Variants in RABGAP1L observed in about 807,000 individuals in gnomAD.
The protein encoded by RABGAP1L is RAB GTPase activating protein 1 like, also known as rab GTPase-activating protein 1-like.
A neutral mutation model predicts 137.7 loss-of-function variants in RABGAP1L; 63 were observed. The observed-to-expected ratio is 0.46, with a 90% CI of 0.37 to 0.56. The LOEUF is 0.56. Among genes scored for constraint, RABGAP1L ranks in the 20% least tolerant of loss-of-function variants. The pLI is 0.00. For synonymous variants in RABGAP1L, 431 were observed against 433.7 expected, an observed-to-expected ratio of 0.99 and a Z score of 0.08; for missense variants, 1,095 against 1,244.0, an observed-to-expected ratio of 0.88 and a Z score of 1.80.
chr1:174,919,295 G>A (rs1186922601), intron 19 of RABGAP1L, among the ~76,000 whole-genome samples: 2 of 152,152 alleles, frequency 1.3e-5, no homozygotes, highest in Non-Finnish European at 2.9e-5. Context: ...TGGGATTACA[G>A]GCGTGAGCCA....
At chr1:174,432,826 G>A (rs1203919706) in intron 13 of RABGAP1L, among the ~76,000 whole-genome samples, 1 of 152,162 alleles carries the variant, frequency 6.6e-6, no homozygotes, top group African/African-American at 2.4e-5. Context: ...GTGAGCCACT[G>A]TGCCTGGCTG....
At chr1:174,296,751 T>G (rs1677164388) in intron 10 of RABGAP1L, among the ~76,000 whole-genome samples, 1 of 152,202 alleles carries the variant, frequency 6.6e-6, no homozygotes, top group Non-Finnish European at 1.5e-5. Context: ...ATATTGGAAA[T>G]ACTCATAACT....
chr1:174,534,246 A>G (rs982967962), intron 13 of RABGAP1L, among the ~76,000 whole-genome samples: 8 of 151,756 alleles, frequency 5.3e-5, no homozygotes, highest in Non-Finnish European at 1.2e-4. Context: ...TATATTAAAT[A>G]TGATCGTCTA....
intron 13 of RABGAP1L, chr1:174,547,818 T>C (rs1666140932): frequency 2.0e-6 from 3 of 1,489,880 alleles, no homozygotes; most frequent in Non-Finnish European, 2.7e-6. Context: ...AAAATAATCA[T>C]ATTTATTTTG....
At chr1:174,439,999 A>T (rs1454946471) in intron 13 of RABGAP1L, among the ~76,000 whole-genome samples, 6 of 152,220 alleles carry the variant, frequency 3.9e-5, no homozygotes, top group Non-Finnish European at 5.9e-5. Flanking sequence ...TCCCAGAGGA[A>T]GTGGTGTTAA....
chr1:174,406,876 A>G (rs1649342160), intron 13 of RABGAP1L, among the ~76,000 whole-genome samples: 1 of 152,190 alleles, frequency 6.6e-6, no homozygotes, highest in Non-Finnish European at 1.5e-5. Context: ...TTGCCATTTT[A>G]ATGACAAAAC....
In RABGAP1L at chr1:174,816,655, A is replaced by G. The variant is rs555563747; in HGVS notation, c.2340+4695A>G. Among the ~76,000 whole-genome samples the G allele has an allele frequency of 7.5e-4, 114 of 152,214 alleles. 1 individual carries two copies. Among genetic ancestry groups the G allele is most frequent in the African/African-American group, 2.5e-3 (102 of 41,532 alleles). The stretch of plus-strand genomic sequence containing the variant: ...GTATTTTATGCCTCCTTACAGCTCA[A>G]ATAGGTGCATATGTAGCTTAGCTCT... On this transcript the variant is annotated intron_variant, in intron 19 of 25. Transcript: ENST00000681986.
At chr1:174,267,473 A>T (rs377044387) in intron 7 of RABGAP1L, among the ~76,000 whole-genome samples, 1 of 152,272 alleles carries the variant, frequency 6.6e-6, no homozygotes, top group South Asian at 2.1e-4. Context: ...TAAATAAGGA[A>T]AGTGGTTGTG....
At chr1:174,406,143 TCCTTTGAGATCTTTC>T in intron 13 of RABGAP1L, among the ~76,000 whole-genome samples, 1 of 152,156 alleles carries the variant, frequency 6.6e-6, no homozygotes, top group Admixed American at 6.5e-5. Context: ...TTGATCCCCA[TCCTTTGAGATCTTTC>T]ATTTACTGTC....
chr1:174,180,663 C>T (rs965064770), intron 1 of RABGAP1L, among the ~76,000 whole-genome samples: 20 of 152,010 alleles, frequency 1.3e-4, no homozygotes, highest in African/African-American at 4.4e-4. Context: ...GACAAGATCT[C>T]GCTTTGTTGC....
At chr1:174,366,288 C>T (rs1299108371) in intron 11 of RABGAP1L, among the ~76,000 whole-genome samples, 2 of 152,164 alleles carry the variant, frequency 1.3e-5, no homozygotes, top group Non-Finnish European at 2.9e-5. Context: ...AGTTTTTCAT[C>T]TCAGTTATCT....
intron 1 of RABGAP1L, among the ~76,000 whole-genome samples, chr1:174,207,289 G>GTAT (rs1255640896): frequency 3.3e-5 from 5 of 152,110 alleles, no homozygotes; most frequent in Non-Finnish European, 7.4e-5. Context: ...TGAAATGGAT[G>GTAT]TATTAGTCTG....
intron 13 of RABGAP1L, among the ~76,000 whole-genome samples, chr1:174,475,381 G>T (rs1658392569): frequency 6.6e-6 from 1 of 152,050 alleles, no homozygotes; most frequent in Non-Finnish European, 1.5e-5. Flanking sequence ...CTCAGATATT[G>T]TGACTGTTTT....
At chr1:174,189,669 T>C (rs1018621280) in intron 1 of RABGAP1L, among the ~76,000 whole-genome samples, 1 of 152,170 alleles carries the variant, frequency 6.6e-6, no homozygotes, top group African/African-American at 2.4e-5. Flanking sequence ...GACTCATTGC[T>C]TTTTAAGAAG....
intron 13 of RABGAP1L, among the ~76,000 whole-genome samples, chr1:174,394,364 T>C (rs893878516): frequency 2.0e-5 from 3 of 152,214 alleles, no homozygotes; most frequent in African/African-American, 7.2e-5. Flanking sequence ...ATCTTTTCAT[T>C]CAAGTGATTT....
At chr1:174,858,105 C>T (rs1649620382) in intron 19 of RABGAP1L, among the ~76,000 whole-genome samples, 1 of 152,106 alleles carries the variant, frequency 6.6e-6, no homozygotes, top group Non-Finnish European at 1.5e-5. Flanking sequence ...CTTGACCTCC[C>T]AGGCTCAGAT....
At chr1:174,559,034 C>A (rs190384284) in intron 13 of RABGAP1L, among the ~76,000 whole-genome samples, 65 of 152,254 alleles carry the variant, frequency 4.3e-4, no homozygotes, top group African/African-American at 1.4e-3. Flanking sequence ...GCCAAAATGT[C>A]AAGAATGGGT....
chr1:174,746,428 T>G (rs757890593), intron 17 of RABGAP1L, among the ~76,000 whole-genome samples: 1 of 152,212 alleles, frequency 6.6e-6, no homozygotes, highest in African/African-American at 2.4e-5. Flanking sequence ...CCACAGCAAG[T>G]TGGGTTTTTG....
At chr1:174,287,445 T>TA (rs1447383877) in intron 10 of RABGAP1L, among the ~76,000 whole-genome samples, 2 of 152,194 alleles carry the variant, frequency 1.3e-5, no homozygotes, top group African/African-American at 4.8e-5. Flanking sequence ...CTCTTGTAGG[T>TA]AGCATATTCT....
Sources: gnomAD v4.1 joint callset for allele counts (sites outside exome capture counted in the v4.1 genomes callset) on GRCh38, gnomAD v4.1.1 for gene constraint, MANE v1.5 for transcripts, NCBI Gene and HGNC (gene_info 2026-07-23, HGNC 2026-07-21) for gene names.